WDFY4: variants seen among roughly 807,000 people sequenced by gnomAD.
The protein encoded by WDFY4 is WDFY family member 4.
Under a neutral mutation model 351.9 loss-of-function variants are expected in WDFY4, and 169 were observed. The observed-to-expected ratio is 0.48, with a 90% CI of 0.42 to 0.55. The LOEUF is 0.55. WDFY4 is among the 20% of genes least tolerant of loss of function. The probability of loss-of-function intolerance (pLI) is 0.00; values close to 1 mark genes in which losing one functional copy is unlikely to be tolerated. For synonymous variants in WDFY4, 1,622 were observed against 1,574.6 expected (o/e 1.03, Z -0.71); for missense variants, 3,803 against 3,935.6 (o/e 0.97, Z 0.90).
At chr10:48,907,968 T>A (rs1291388994) in intron 47 of WDFY4, among the ~76,000 whole-genome samples, 2 of 152,218 alleles carry the variant, frequency 1.3e-5, no homozygotes, top group Non-Finnish European at 2.9e-5. Context: ...TGCTGCAGCA[T>A]CTAGGAGCTT....
chr10:48,960,481 C>T (rs995547678), intron 53 of WDFY4, among the ~76,000 whole-genome samples: 10 of 152,156 alleles, frequency 6.6e-5, no homozygotes, highest in South Asian at 2.1e-4. Flanking sequence ...AAAAGCAAAA[C>T]GGTACAACCA....
At position 48,879,252 on chromosome 10, in the gene WDFY4, G is replaced by A. The variant is rs149626504; in HGVS notation, c.7167+2053G>A. 5.4e-3 allele frequency among the ~76,000 whole-genome samples: 815 copies of A among 152,322 alleles called. 9 individuals are homozygous for A. Among genetic ancestry groups the A allele is most frequent in the African/African-American group, 0.018 (764 of 41,560 alleles). On this transcript the variant is annotated intron_variant, in intron 43 of 61. Transcript: ENST00000325239. Reference sequence around the variant, plus strand: ...CACAAGGAACCCTTGCCAATGTCTGGAGACATTTTTAATTGCCATGGCCAG... The same window carrying A: ...CACAAGGAACCCTTGCCAATGTCTGAAGACATTTTTAATTGCCATGGCCAG...
chr10:48,840,495 T>A (rs7915340), intron 39 of WDFY4, among the ~76,000 whole-genome samples: 55,453 of 150,362 alleles, frequency 0.37, 10,688 homozygotes, highest in East Asian at 0.7. Flanking sequence ...TCTCTCTCTC[T>A]CACACACACA....
intron 1 of WDFY4, among the ~76,000 whole-genome samples, chr10:48,695,385 A>T (rs1051400136): frequency 6.6e-6 from 1 of 152,118 alleles, no homozygotes; most frequent in Non-Finnish European, 1.5e-5. Flanking sequence ...AGCTAGTACC[A>T]TGGCATATTC....
chr10:48,847,229 GT>G (rs2068806016), intron 39 of WDFY4, among the ~76,000 whole-genome samples: 1 of 152,082 alleles, frequency 6.6e-6, no homozygotes, highest in South Asian at 2.1e-4. Context: ...GTACATGACC[GT>G]GTCCTCATCT....
chr10:48,709,015 C>T (rs60505114), intron 1 of WDFY4, among the ~76,000 whole-genome samples: 13 of 146,268 alleles, frequency 8.9e-5, no homozygotes, highest in East Asian at 1.9e-4. Flanking sequence ...ACACCCCCCC[C>T]CCCCAAACAG....
intron 13 of WDFY4, among the ~76,000 whole-genome samples, chr10:48,766,101 A>G (rs1414903279): frequency 6.6e-6 from 1 of 152,224 alleles, no homozygotes; most frequent in Non-Finnish European, 1.5e-5. Context: ...AGCCATTTCC[A>G]CCAACAAGGA....
At chr10:48,821,024 C>T in intron 33 of WDFY4, 38 bp from the exon 34 acceptor site, 1 of 1,462,368 alleles carries the variant, frequency 6.8e-7, no homozygotes, top group Non-Finnish European at 9.4e-7. Flanking sequence ...ACACGATGGC[C>T]CTGTGGTTGC....
chr10:48,693,347 T>A (rs1362124715), intron 1 of WDFY4, among the ~76,000 whole-genome samples: 4 of 152,140 alleles, frequency 2.6e-5, no homozygotes, highest in Non-Finnish European at 5.9e-5. Flanking sequence ...GAGGTGTTGG[T>A]GCCGGGCCCA....
At chr10:48,800,853 C>T (rs2067064666) in intron 24 of WDFY4, among the ~76,000 whole-genome samples, 1 of 151,838 alleles carries the variant, frequency 6.6e-6, no homozygotes, top group Non-Finnish European at 1.5e-5. Context: ...CTGCCTCAGC[C>T]TCCCAAGTAG....
chr10:48,965,774 A>ATATCAGTTAGATATAGATTATATCTT (rs1842047882), intron 54 of WDFY4, among the ~76,000 whole-genome samples: 6 of 141,324 alleles, frequency 4.2e-5, no homozygotes, highest in Non-Finnish European at 6.1e-5. Context: ...ACTTATATCT[A>ATATCAGTTAGATATAGATTATATCTT]TATCAGTTAG....
intron 44 of WDFY4, 138 bp from the exon 45 acceptor site, chr10:48,897,316 G>T: frequency 8.2e-7 from 1 of 1,213,124 alleles, no homozygotes; most frequent in Non-Finnish European, 1.1e-6. Context: ...CACACTGGTT[G>T]GCAGTGACCA....
In WDFY4 at chr10:48,963,854, G is replaced by A; in HGVS notation, c.8236G>A (p.Asp2746Asn). 1 of 1,551,568 alleles carries A rather than the reference G, an allele frequency of 6.4e-7. No individual in the cohort carries two copies. Among genetic ancestry groups the A allele is most frequent in the Non-Finnish European group, 8.7e-7 (1 of 1,147,012 alleles). The part of the protein sequence containing the change: ...ISLHRKALES[D>N]FVSANLHHWI... ...GTTTTTGTTCCAGGCCCTGGAAAGTGACTTTGTCAGTGCCAACCTCCACCA... is the reference window on the plus strand; with the variant it reads ...GTTTTTGTTCCAGGCCCTGGAAAGTAACTTTGTCAGTGCCAACCTCCACCA... The change falls in exon 54 of 62, where the codon GAC (aspartate) becomes AAC (asparagine). Residue 2746 changes from aspartate (D) to asparagine (N), a missense_variant. Asp to Asn is a conservative substitution (Grantham distance 23). Around this residue, in one of 3 missense-constraint regions of WDFY4, gnomAD observed 3,054 missense variants for 3,148.6 expected, o/e 0.97. Coordinates refer to ENST00000325239, the MANE Select transcript of WDFY4 (RefSeq NM_001394531.1).
At chr10:48,733,042 G>T (rs1331043176) in intron 9 of WDFY4, among the ~76,000 whole-genome samples, 2 of 152,218 alleles carry the variant, frequency 1.3e-5, no homozygotes, top group African/African-American at 4.8e-5. Flanking sequence ...TGCTTCATCC[G>T]CTTTCCTTGG....
intron 60 of WDFY4, 55 bp from the exon 61 acceptor site, chr10:48,981,312 T>C: frequency 6.9e-7 from 1 of 1,455,308 alleles, no homozygotes. Context: ...AGATGCACAC[T>C]GTATGTGCGA....
chr10:48,871,471 C>A (rs948251853), intron 40 of WDFY4, among the ~76,000 whole-genome samples: 3 of 151,644 alleles, frequency 2.0e-5, no homozygotes, highest in Non-Finnish European at 4.4e-5. Context: ...GGTGGCCCCC[C>A]CCTTTTTTTT....
At position 48,685,016 on chromosome 10, in the gene WDFY4, TCTTG is replaced by T. The variant is rs2063003693; in HGVS notation, c.-18+16_-18+19del. On this transcript the variant is annotated intron_variant, in intron 1 of 61. Coordinates refer to ENST00000325239, the MANE Select transcript of WDFY4 (RefSeq NM_001394531.1). ...CACCCCTCCAGGTAGGCCACCTTGC[TCTTG>T]GCCCAGCCAGGCCAGCCTAGAGGTG... The T allele has an allele frequency of 6.6e-6, 1 of 152,402 alleles. No homozygotes were observed. Among genetic ancestry groups the T allele is most frequent in the African/African-American group, 2.4e-5 (1 of 41,450 alleles). 9.4% of individuals were successfully genotyped at this position (152,402 alleles called of 1,614,324 possible). A position where few individuals can be genotyped will look rare whatever the true frequency, so the allele number is the denominator to read the frequency against.
At chr10:48,843,542 A>G (rs1439223359) in intron 39 of WDFY4, among the ~76,000 whole-genome samples, 2 of 152,198 alleles carry the variant, frequency 1.3e-5, no homozygotes, top group Admixed American at 1.3e-4. Flanking sequence ...AAATAAATAA[A>G]TAACAGTAGA....
In WDFY4 at chr10:48,807,942, C is replaced by T; in HGVS notation, c.4822C>T (p.Leu1608Phe). The change falls in exon 28 of 62, where the codon CTT becomes TTT. Residue 1608 changes from leucine (L) to phenylalanine (F), a missense_variant. Coordinates refer to ENST00000325239, the MANE Select transcript of WDFY4 (RefSeq NM_001394531.1). ...GCTCAGTGTAATATCTTCCCCCCAG[C>T]TTCATCTGTCCTCTGAGTAAGTAGC... is the stretch of plus-strand genomic sequence containing the variant. ...MLLSVISSPQ[L>F]HLSSESKEEM... is the part of the protein sequence containing the mutation. 1 of 1,546,862 alleles carries T rather than the reference C, an allele frequency of 6.5e-7. No homozygotes were observed. Among genetic ancestry groups the T allele is most frequent in the Non-Finnish European group, 8.7e-7 (1 of 1,145,124 alleles).
Sources: gnomAD v4.1 joint callset for allele counts (sites outside exome capture counted in the v4.1 genomes callset) on GRCh38, gnomAD v4.1.1 for gene constraint, gnomAD v4.1.1 regional missense constraint, MANE v1.5 for transcripts, NCBI Gene and HGNC (gene_info 2026-07-23, HGNC 2026-07-21) for gene names.